WDR37: variants seen among roughly 807,000 people sequenced by gnomAD.
The protein encoded by WDR37 is WD repeat-containing protein 37.
Under a neutral mutation model 62.9 loss-of-function variants are expected in WDR37, and 19 were observed. That is an observed-to-expected ratio of 0.30 (90% CI 0.21 to 0.44). WDR37 has a LOEUF of 0.44. Among genes scored for constraint, WDR37 ranks in the 20% least tolerant of loss-of-function variants. The pLI, the probability that WDR37 is intolerant of heterozygous loss-of-function variation, is 1.00. For missense variants in WDR37, 474 were observed against 657.6 expected (o/e 0.72, Z 3.05); for synonymous variants, 250 against 260.9 (o/e 0.96, Z 0.40).
At chr10:1,057,548 C>G (rs1356608050) in intron 1 of WDR37, among the ~76,000 whole-genome samples, 6 of 152,146 alleles carry the variant, frequency 3.9e-5, no homozygotes, top group Non-Finnish European at 8.8e-5. Flanking sequence ...ATATTGTTCC[C>G]CTTTTGAAGA....
intron 4 of WDR37, 50 bp from the exon 5 acceptor site, chr10:1,080,362 A>G (rs774683403): frequency 1.9e-6 from 3 of 1,607,718 alleles, no homozygotes; most frequent in Non-Finnish European, 2.6e-6. Context: ...GTGAGGCTAT[A>G]GGTCTTTGAT....
intron 7 of WDR37, among the ~76,000 whole-genome samples, chr10:1,092,373 C>T (rs368439773): frequency 6.6e-6 from 1 of 151,104 alleles, no homozygotes; most frequent in African/African-American, 2.4e-5. Context: ...ACAAAAGACC[C>T]TCTTTTTTTT....
chr10:1,106,775 C>T (rs1350934802), intron 11 of WDR37, among the ~76,000 whole-genome samples: 1 of 152,168 alleles, frequency 6.6e-6, no homozygotes, highest in Non-Finnish European at 1.5e-5. Context: ...CCTCAGCCTA[C>T]CAAAGTGCTG....
At chr10:1,113,950 C>CTTT (rs56654628) in intron 11 of WDR37, among the ~76,000 whole-genome samples, 7,821 of 75,954 alleles carry the variant, frequency 0.1, 1,007 homozygotes, top group East Asian at 0.29. Context: ...GGTAAAATGC[C>CTTT]TTTTTTTTTT....
chr10:1,131,756 G>C lies in WDR37; in HGVS notation c.*2412G>C, dbSNP rs150119297. ...TTAAGTCATACTGTCAACCACACGT[G>C]ATCTCGTCTGAAACAGTGTTTGGAA... On this transcript the variant is annotated 3_prime_UTR_variant, in exon 14 of 14. Transcript: ENST00000263150. 1 of 152,326 alleles carries C rather than the reference G, an allele frequency of 6.6e-6. No individual in the cohort carries two copies. Among genetic ancestry groups the C allele is most frequent in the East Asian group, 1.9e-4 (1 of 5,188 alleles). The allele number at this position is 152,326 out of a possible 1,614,324, so 9.4% of individuals were successfully genotyped here. A position where few individuals can be genotyped will look rare whatever the true frequency, so the allele number is the denominator to read the frequency against.
chr10:1,068,445 A>G (rs1047326857), intron 1 of WDR37, among the ~76,000 whole-genome samples: 2 of 151,520 alleles, frequency 1.3e-5, no homozygotes, highest in East Asian at 1.9e-4. Flanking sequence ...CGACAGCGAG[A>G]CTCTGTCTCA....
Position 1,105,097 on chromosome 10 carries a change from G to T in WDR37, c.962-29G>T. ...TCTCTCAGCGTGCTCCTCAGGTGATGACCTTGTGTTTTGCCATCTTGGTTA... is the reference window on the plus strand; with the variant it reads ...TCTCTCAGCGTGCTCCTCAGGTGATTACCTTGTGTTTTGCCATCTTGGTTA... On this transcript the variant is annotated intron_variant, in intron 10 of 13. Transcript: ENST00000263150. The surrounding 1 kb of genome is among the most constrained non-coding windows in gnomAD (Gnocchi z 5.3). The T allele has an allele frequency of 6.2e-7, 1 of 1,612,856 alleles. No individual in the cohort carries two copies. Among genetic ancestry groups the T allele is most frequent in the Non-Finnish European group, 8.5e-7 (1 of 1,178,984 alleles).
intron 11 of WDR37, among the ~76,000 whole-genome samples, chr10:1,108,777 C>A (rs1835111690): frequency 6.9e-6 from 1 of 145,066 alleles, no homozygotes; most frequent in Non-Finnish European, 1.5e-5. Flanking sequence ...CCCTGAGTGC[C>A]ACCATCCTGG....
At chr10:1,064,583 C>CTTTTT (rs71376884) in intron 1 of WDR37, among the ~76,000 whole-genome samples, 884 of 70,444 alleles carry the variant, frequency 0.013, 96 homozygotes, top group African/African-American at 0.03. Flanking sequence ...GACAATGGAT[C>CTTTTT]TTTTTTTTTT....
At chr10:1,095,263 A>G (rs1834537116) in intron 8 of WDR37, among the ~76,000 whole-genome samples, 2 of 138,860 alleles carry the variant, frequency 1.4e-5, no homozygotes, top group African/African-American at 5.7e-5. Context: ...GAGAGGGGAG[A>G]GTTAGACTTG....
At chr10:1,075,784 C>CTTTTTTTTT (rs11387795) in intron 2 of WDR37, among the ~76,000 whole-genome samples, 1 of 140,950 alleles carries the variant, frequency 7.1e-6, no homozygotes, top group Non-Finnish European at 1.5e-5. Context: ...ATTGGAACTT[C>CTTTTTTTTT]TTTTTTTTTT....
In WDR37 at chr10:1,126,383, G is replaced by A. The variant is rs545075156; in HGVS notation, c.1353+1359G>A. On this transcript the variant is annotated intron_variant, in intron 13 of 13. Transcript: ENST00000263150. Reference sequence around the variant, plus strand: ...ATCGCGCCACTGCACTCCAGCCTGGGCGACAGAGCGAGACTGTGTCTCAGA... The same window carrying A: ...ATCGCGCCACTGCACTCCAGCCTGGACGACAGAGCGAGACTGTGTCTCAGA... 1.2e-4 allele frequency among the ~76,000 whole-genome samples: 17 copies of A among 147,780 alleles called. No homozygotes were observed. The South Asian group carries it at 1.3e-3, about 11-fold the overall frequency.
rs1834199590 is a variant in WDR37 at position 1,086,324 on chromosome 10, T to A, written c.571T>A (p.Cys191Ser). Residue 191 changes from cysteine to serine, a missense_variant, in exon 7 of 14, where the codon TGC (cysteine) becomes AGC (serine). By Grantham distance (112) the Cys-to-Ser change is moderately radical. Coordinates refer to ENST00000263150, the MANE Select transcript of WDR37 (RefSeq NM_014023.4). ...ALLWSIETGK[C>S]LVKYAGHVGS... ...GCTGTGGAGCATAGAGACAGGGAAG[T>A]GCCTAGTCAAGTACGCAGGCCACGT... 6.2e-7 allele frequency: 1 copy of A among 1,614,068 alleles called. No homozygotes were observed. The highest frequency in any genetic ancestry group is 1.3e-5 in the African/African-American group (1 of 74,942).
At chr10:1,061,109 T>A (rs1394302388) in intron 1 of WDR37, among the ~76,000 whole-genome samples, 1 of 152,216 alleles carries the variant, frequency 6.6e-6, no homozygotes, top group South Asian at 2.1e-4. Flanking sequence ...CTCATAGGGA[T>A]GTTATGAGGA....
intron 9 of WDR37, among the ~76,000 whole-genome samples, chr10:1,097,535 C>T (rs1029696770): frequency 6.6e-6 from 1 of 152,250 alleles, no homozygotes; most frequent in African/African-American, 2.4e-5. Flanking sequence ...GCTCTCACTG[C>T]AGTCCCAGGA....
Position 1,130,918 on chromosome 10 carries a change from C to T in WDR37, c.*1574C>T, listed in dbSNP as rs1426305149. The T allele has an allele frequency of 1.3e-5, 2 of 152,138 alleles. No homozygotes were observed. The highest frequency in any genetic ancestry group is 2.9e-5 in the Non-Finnish European group (2 of 68,036). The allele number at this position is 152,138 out of a possible 1,614,324, so 9.4% of individuals were successfully genotyped here. A position where few individuals can be genotyped will look rare whatever the true frequency, so the allele number is the denominator to read the frequency against. On this transcript the variant is annotated 3_prime_UTR_variant, in exon 14 of 14. Transcript: ENST00000263150. Reference sequence around the variant, plus strand: ...AGAATGACCCTGAAATGACTGACAGCCCCGGGCCCAAGAAAAACCCATAAC... The same window carrying T: ...AGAATGACCCTGAAATGACTGACAGTCCCGGGCCCAAGAAAAACCCATAAC...
intron 13 of WDR37, among the ~76,000 whole-genome samples, chr10:1,125,411 A>C (rs1835708586): frequency 6.6e-6 from 1 of 152,102 alleles, no homozygotes; most frequent in Non-Finnish European, 1.5e-5. Context: ...CAGGCTGGTT[A>C]GTTAGTCAGG....
In WDR37 at chr10:1,103,751, G is replaced by A. The variant is rs766539808; in HGVS notation, c.876G>A (p.Gly292=). 17 of 1,614,130 alleles carry A rather than the reference G, an allele frequency of 1.1e-5. No individual in the cohort carries two copies. In the South Asian group the frequency reaches 1.9e-4, roughly 18 times the overall value. Residue 292 remains glycine, a synonymous_variant, in exon 10 of 14, where the codon GGG becomes GGA. Transcript: ENST00000263150. This position sits in a 1 kb window ranked among gnomAD's most constrained non-coding sequence, Gnocchi z 6.3. ...GVVIASDWLV[G]GKQAVTASWD... The stretch of plus-strand genomic sequence containing the variant: ...TCATCGCCTCCGACTGGCTGGTTGG[G>A]GGGAAGCAGGCTGTGACTGCCTCCT...
At position 1,121,639 on chromosome 10, in the gene WDR37, C is replaced by A. The variant is rs1314560976; in HGVS notation, c.1104-2579C>A. On this transcript the variant is annotated intron_variant, in intron 11 of 13. Transcript: ENST00000263150. This position sits in a 1 kb window ranked among gnomAD's most constrained non-coding sequence, Gnocchi z 4.5. ...AGTTGGGCAGTTTCCCCCCAGGAGA[C>A]AGTGTTTGTTGTCACCCCTGGGGAG... Among the ~76,000 whole-genome samples, 8 of 152,142 alleles carry A rather than the reference C, an allele frequency of 5.3e-5. No individual in the cohort carries two copies. Among genetic ancestry groups the A allele is most frequent in the Non-Finnish European group, 1.2e-4 (8 of 68,024 alleles).
Sources: allele counts gnomAD v4.1 joint callset (sites outside exome capture counted in the v4.1 genomes callset), GRCh38; gene constraint gnomAD v4.1.1; non-coding constraint Gnocchi (gnomAD v3.1); transcripts MANE v1.5; gene names NCBI Gene and HGNC (gene_info 2026-07-23, HGNC 2026-07-21).